The following CDH4 variants were observed in gnomAD, a reference collection of about 807,000 sequenced individuals.
CDH4 encodes the protein cadherin-4.
In CDH4, 33 loss-of-function variants were observed where a neutral mutation model predicts 86.0. The observed-to-expected ratio is 0.38, with a 90% CI of 0.29 to 0.51. The LOEUF is 0.51. Among genes scored for constraint, CDH4 ranks in the 20% least tolerant of loss-of-function variants. The pLI, the probability that CDH4 is intolerant of heterozygous loss-of-function variation, is 0.86. For synonymous variants in CDH4, 555 were observed against 549.4 expected (o/e 1.01, Z -0.14); for missense variants, 1,114 against 1,307.4 (o/e 0.85, Z 2.28).
chr20:61,769,188 C>T (rs1020221468), intron 3 of CDH4, among the ~76,000 whole-genome samples: 4 of 152,208 alleles, frequency 2.6e-5, no homozygotes, highest in Admixed American at 6.5e-5. Context: ...GAGGTGGATC[C>T]CCAATTGCCT....
intron 3 of CDH4, among the ~76,000 whole-genome samples, chr20:61,766,320 C>T (rs575174929): frequency 1.3e-5 from 2 of 152,218 alleles, no homozygotes. Flanking sequence ...CCCGAGTTCG[C>T]CTGCCCCCCA....
chr20:61,327,446 T>C (rs887790884), intron 2 of CDH4, among the ~76,000 whole-genome samples: 32 of 152,290 alleles, frequency 2.1e-4, no homozygotes, highest in African/African-American at 7.5e-4. Flanking sequence ...CTTTAGGTGA[T>C]TGAGAAACAG....
In CDH4 at chr20:61,252,489, G is replaced by A. The variant is rs2084066478; in HGVS notation, c.-25G>A. ...CGGCAGGGAGCGGGCTCCCGGTGCC[G>A]GGCACCGGGCGGGCGGCGGGGAAGA... On this transcript the variant is annotated 5_prime_UTR_variant, in exon 1 of 16. Coordinates refer to ENST00000614565, the MANE Select transcript of CDH4 (RefSeq NM_001794.5). This position sits in a 1 kb window ranked among gnomAD's most constrained non-coding sequence, Gnocchi z 4.4. 2 of 1,138,804 alleles carry A rather than the reference G, an allele frequency of 1.8e-6. No homozygotes were observed. The highest frequency in any genetic ancestry group is 2.2e-6 in the Non-Finnish European group (2 of 926,844). 70.5% of individuals were successfully genotyped at this position (1,138,804 alleles called of 1,614,324 possible).
In CDH4 at chr20:61,623,556, C is replaced by T. The variant is rs187699023; in HGVS notation, c.170-120007C>T. 1.3e-5 allele frequency among the ~76,000 whole-genome samples: 2 copies of T among 152,052 alleles called. No individual in the cohort carries two copies. The highest frequency in any genetic ancestry group is 2.9e-5 in the Non-Finnish European group (2 of 68,012). ...TTAATCAAACCATATCAAGAGAGCC[C>T]GCAGGGTCATCAAGAGCTAGACCCA... On this transcript the variant is annotated intron_variant, in intron 2 of 15. Coordinates refer to ENST00000614565, the MANE Select transcript of CDH4 (RefSeq NM_001794.5). The surrounding 1 kb of genome is among the most constrained non-coding windows in gnomAD (Gnocchi z 4.4).
At chr20:61,784,837 G>A (rs1978786557) in intron 4 of CDH4, among the ~76,000 whole-genome samples, 1 of 152,300 alleles carries the variant, frequency 6.6e-6, no homozygotes, top group African/African-American at 2.4e-5. Context: ...TAAGCATGCA[G>A]TCCCTTTGCA....
intron 2 of CDH4, among the ~76,000 whole-genome samples, chr20:61,294,945 C>T (rs897816753): frequency 6.6e-6 from 1 of 152,252 alleles, no homozygotes; most frequent in African/African-American, 2.4e-5. Flanking sequence ...GCCCAGGCCT[C>T]TGCCCCAAAA....
chr20:61,561,034 A>G (rs897927780), intron 2 of CDH4, among the ~76,000 whole-genome samples: 1 of 152,170 alleles, frequency 6.6e-6, no homozygotes. Context: ...CCCCGGGCCC[A>G]GGTCCCCACC....
chr20:61,843,456 C>CAAAAA (rs869283452), intron 4 of CDH4, among the ~76,000 whole-genome samples: 2,182 of 58,592 alleles, frequency 0.037, 230 homozygotes, highest in East Asian at 0.1. Context: ...GACTCCGTCT[C>CAAAAA]AAAAAAAAAA....
In CDH4 at chr20:61,680,300, A is replaced by C. The variant is rs530989661; in HGVS notation, c.170-63263A>C. On this transcript the variant is annotated intron_variant, in intron 2 of 15. Coordinates refer to ENST00000614565, the MANE Select transcript of CDH4 (RefSeq NM_001794.5). ...CCAGGCTGGGACTAAGACGGGGAAG[A>C]AGCTGCTGTGGGACCCGCACTAGGG... 2.7e-3 allele frequency among the ~76,000 whole-genome samples: 404 copies of C among 152,296 alleles called. 4 individuals carry two copies. Among genetic ancestry groups the C allele is most frequent in the African/African-American group, 9.5e-3 (396 of 41,570 alleles).
At chr20:61,826,760 C>T (rs1981334551) in intron 4 of CDH4, among the ~76,000 whole-genome samples, 1 of 152,178 alleles carries the variant, frequency 6.6e-6, no homozygotes, top group Non-Finnish European at 1.5e-5. Context: ...GGATAGCATT[C>T]ACTCACCAGG....
intron 2 of CDH4, among the ~76,000 whole-genome samples, chr20:61,619,764 G>A (rs1200546863): frequency 6.6e-6 from 1 of 152,222 alleles, no homozygotes. Flanking sequence ...AGAGGTTGCC[G>A]ATGCCCGGGT....
Position 61,541,490 on chromosome 20 carries a change from A to G in CDH4, c.170-202073A>G, listed in dbSNP as rs571946538. On this transcript the variant is annotated intron_variant, in intron 2 of 15. Transcript: ENST00000614565. ...TTGAATAGAGCTCTGAAAAGGACAC[A>G]TGCTGTAGCCAGCACTGGGGTGTCC... 5.3e-5 allele frequency among the ~76,000 whole-genome samples: 8 copies of G among 152,360 alleles called. No homozygotes were observed. In the East Asian group the frequency reaches 1.4e-3, roughly 26 times the overall value.
chr20:61,499,299 C>T, intron 2 of CDH4: 1 of 423,524 alleles, frequency 2.4e-6, no homozygotes, highest in South Asian at 1.9e-5. Context: ...CTTCATGCTG[C>T]TCACTCTGGC....
rs925881013 is a variant in CDH4 at position 61,743,495 on chromosome 20, G to A, written c.170-68G>A. ...GGGGGCCTGTAGGGCGTCCTGCGTG[G>A]TTGCTGCCATTGTTACCGCCCTTCT... On this transcript the variant is annotated intron_variant, in intron 2 of 15. Coordinates refer to ENST00000614565, the MANE Select transcript of CDH4 (RefSeq NM_001794.5). 2.3e-5 allele frequency: 29 copies of A among 1,252,024 alleles called. 1 individual carries two copies. In the South Asian group the frequency reaches 3.5e-4, roughly 15 times the overall value. The allele number at this position is 1,252,024 out of a possible 1,614,324, so 77.6% of individuals were successfully genotyped here. A position where few individuals can be genotyped will look rare whatever the true frequency, so the allele number is the denominator to read the frequency against.
At chr20:61,691,313 ATG>A (rs975688933) in intron 2 of CDH4, among the ~76,000 whole-genome samples, 3 of 151,524 alleles carry the variant, frequency 2.0e-5, no homozygotes, top group African/African-American at 7.3e-5. Context: ...ATTTGTGTGG[ATG>A]TGTGTGTGCA....
chr20:61,412,684 C>G (rs1192116473), intron 2 of CDH4, among the ~76,000 whole-genome samples: 1 of 152,222 alleles, frequency 6.6e-6, no homozygotes, highest in Non-Finnish European at 1.5e-5. Flanking sequence ...ACGTGGTGGT[C>G]TCTGCCAGCT....
At position 61,626,288 on chromosome 20, in the gene CDH4, G is replaced by A. The variant is rs187196186; in HGVS notation, c.170-117275G>A. ...GTCAGAGCAGAGGGAATCAGCTGGA[G>A]GCGACCTCTGCACCCTCCAAAGACG... is the stretch of plus-strand genomic sequence containing the variant. On this transcript the variant is annotated intron_variant, in intron 2 of 15. Coordinates refer to ENST00000614565, the MANE Select transcript of CDH4 (RefSeq NM_001794.5). Among the ~76,000 whole-genome samples, 686 of 152,282 alleles carry A rather than the reference G, an allele frequency of 4.5e-3. 2 individuals carry two copies. The highest frequency in any genetic ancestry group is 7.0e-3 in the Non-Finnish European group (479 of 68,018).
intron 2 of CDH4, among the ~76,000 whole-genome samples, chr20:61,565,100 G>GGTGGTC (rs1337020404): frequency 8.6e-6 from 1 of 116,868 alleles, no homozygotes; most frequent in Non-Finnish European, 1.9e-5. Flanking sequence ...TCTTGGTGGT[G>GGTGGTC]CTCTTGGTGG....
At chr20:61,475,928 C>T (rs1312247669) in intron 2 of CDH4, among the ~76,000 whole-genome samples, 1 of 151,972 alleles carries the variant, frequency 6.6e-6, no homozygotes, top group Non-Finnish European at 1.5e-5. Flanking sequence ...CAGCCAAAGG[C>T]AGAATTCCAG....
Sources: gnomAD v4.1 joint callset for allele counts (sites outside exome capture counted in the v4.1 genomes callset) on GRCh38, gnomAD v4.1.1 for gene constraint, Gnocchi (gnomAD v3.1) non-coding constraint, MANE v1.5 for transcripts, NCBI Gene and HGNC (gene_info 2026-07-23, HGNC 2026-07-21) for gene names.